BCL7A: variants seen among roughly 807,000 people sequenced by gnomAD.
The protein encoded by BCL7A is BAF chromatin remodeling complex subunit BCL7A.
BCL7A carries 11 observed loss-of-function variants against 28.4 expected under a neutral mutation model. The ratio of observed to expected loss-of-function variants is 0.39; its 90% CI spans 0.24 to 0.64. The LOEUF is 0.64. BCL7A is among the 30% of genes least tolerant of loss of function. BCL7A has a pLI of 0.50. For missense variants in BCL7A, 222 were observed against 274.8 expected, an observed-to-expected ratio of 0.81 and a Z score of 1.36; for synonymous variants, 123 against 103.3, an observed-to-expected ratio of 1.19 and a Z score of -1.15.
In BCL7A at chr12:122,029,430, G is replaced by A. The variant is rs1273365126; in HGVS notation, c.93-1270G>A. Among the ~76,000 whole-genome samples, 1 of 152,188 alleles carries A rather than the reference G, an allele frequency of 6.6e-6. No individual in the cohort carries two copies. The highest frequency in any genetic ancestry group is 6.5e-5 in the Admixed American group (1 of 15,278). On this transcript the variant is annotated intron_variant, in intron 1 of 5. Transcript: ENST00000261822. This position sits in a 1 kb window ranked among gnomAD's most constrained non-coding sequence, Gnocchi z 4.3. ...ATGTGAGGGCCACATGCCCCACGAG[G>A]GGGTGATCTAAGGCTGAGTTTGGGC...
intron 2 of BCL7A, among the ~76,000 whole-genome samples, chr12:122,033,741 G>GC (rs1430868870): frequency 2.6e-5 from 4 of 152,194 alleles, no homozygotes; most frequent in Admixed American, 6.5e-5. Context: ...ACAGGCGTGA[G>GC]CCACCATGCC....
Position 122,060,554 on chromosome 12 carries a change from T to C in BCL7A, c.*1391T>C, listed in dbSNP as rs1951912813. The C allele has an allele frequency of 4.3e-6, 1 of 232,620 alleles. No homozygotes were observed. The highest frequency in any genetic ancestry group is 8.5e-6 in the Non-Finnish European group (1 of 117,400). The allele number at this position is 232,620 out of a possible 1,614,324, so 14.4% of individuals were successfully genotyped here. A position where few individuals can be genotyped will look rare whatever the true frequency, so the allele number is the denominator to read the frequency against. ...TGAGGCCTGGTTTGCTCTTAATTAA[T>C]ATATGAACTCCTCAGACCTTAAACC... On this transcript the variant is annotated 3_prime_UTR_variant, in exon 6 of 6. Transcript: ENST00000261822.
chr12:122,051,866 C>CTTTTTTTTT (rs34244407), intron 4 of BCL7A, among the ~76,000 whole-genome samples: 7 of 80,302 alleles, frequency 8.7e-5, no homozygotes, highest in East Asian at 4.3e-4. Flanking sequence ...CTCTCTCTCT[C>CTTTTTTTTT]TTTTTTTTTT....
At position 122,059,465 on chromosome 12, in the gene BCL7A, A is replaced by G. The variant is rs1353941369; in HGVS notation, c.*302A>G. The G allele has an allele frequency of 8.9e-6, 3 of 338,738 alleles. 1 individual carries two copies. The highest frequency in any genetic ancestry group is 1.0e-4 in the South Asian group (2 of 19,318). The allele number at this position is 338,738 out of a possible 1,614,324, so 21.0% of individuals were successfully genotyped here. ...AGGATTCCATTTGTGTTGCTGCTGT[A>G]TTTTCCCCCCACTTCTCTATGTAAC... is the stretch of plus-strand genomic sequence containing the variant. On this transcript the variant is annotated 3_prime_UTR_variant, in exon 6 of 6. Transcript: ENST00000261822. This position sits in a 1 kb window ranked among gnomAD's most constrained non-coding sequence, Gnocchi z 4.0.
At chr12:122,043,829 A>G in intron 3 of BCL7A, 57 bp from the exon 4 acceptor site, 3 of 1,534,992 alleles carry the variant, frequency 2.0e-6, no homozygotes, top group South Asian at 2.5e-5. Flanking sequence ...CCTCTGACCT[A>G]CCCGTCCTTG....
At chr12:122,051,427 C>T (rs952739218) in intron 4 of BCL7A, among the ~76,000 whole-genome samples, 1 of 152,244 alleles carries the variant, frequency 6.6e-6, no homozygotes, top group Admixed American at 6.5e-5. Context: ...CAGGGAATGA[C>T]ATAATTCCTG....
intron 3 of BCL7A, among the ~76,000 whole-genome samples, chr12:122,037,213 T>C (rs1883874293): frequency 6.6e-6 from 1 of 152,148 alleles, no homozygotes; most frequent in Non-Finnish European, 1.5e-5. Context: ...CACTGCCTCT[T>C]TGTCACCTGC....
intron 4 of BCL7A, among the ~76,000 whole-genome samples, chr12:122,046,289 T>C (rs918889042): frequency 3.9e-5 from 6 of 151,930 alleles, no homozygotes; most frequent in African/African-American, 1.5e-4. Flanking sequence ...GCAGGCCAGG[T>C]CTGGAGCGCC....
In BCL7A at chr12:122,044,001, G is replaced by A. The variant is rs1312516178; in HGVS notation, c.387G>A (p.Glu129=). 10 of 1,613,892 alleles carry A rather than the reference G, an allele frequency of 6.2e-6. No individual in the cohort carries two copies. Among genetic ancestry groups the A allele is most frequent in the Non-Finnish European group, 8.5e-6 (10 of 1,180,028 alleles). Residue 129 remains glutamate (E), a synonymous_variant, in exon 4 of 6, where the codon GAG becomes GAA. Transcript: ENST00000261822. ...CGGCTGTGCCCAGCGACGGCACCGA[G>A]GCCAAGGTGGATGAGGCCCAGGCTG... is the stretch of plus-strand genomic sequence containing the variant. The part of the protein sequence containing the change: ...PNSAVPSDGT[E]AKVDEAQADG...
chr12:122,054,710 A>T, intron 4 of BCL7A, 95 bp from the exon 5 acceptor site: 1 of 1,326,116 alleles, frequency 7.5e-7, no homozygotes, highest in Non-Finnish European at 1.0e-6. Flanking sequence ...CTGGCCCCAA[A>T]ACTACCCGAT....
chr12:122,022,866 G>A (rs1883500589), intron 1 of BCL7A, among the ~76,000 whole-genome samples: 1 of 151,832 alleles, frequency 6.6e-6, no homozygotes, highest in Non-Finnish European at 1.5e-5. Flanking sequence ...AGGGGCGCGG[G>A]GCGCCCACGT....
At chr12:122,045,348 T>A (rs1298819513) in intron 4 of BCL7A, among the ~76,000 whole-genome samples, 2 of 152,124 alleles carry the variant, frequency 1.3e-5, no homozygotes, top group African/African-American at 2.4e-5. Context: ...GCCATTGCAC[T>A]CCAGTCTGGG....
chr12:122,022,742 G>C (rs2135833555), intron 1 of BCL7A, among the ~76,000 whole-genome samples: 1 of 150,250 alleles, frequency 6.7e-6, no homozygotes, highest in South Asian at 2.1e-4. Flanking sequence ...CGGCGCCCTC[G>C]AGTCTGCGGA....
Position 122,059,181 on chromosome 12 carries a change from C to T in BCL7A, c.*18C>T. On this transcript the variant is annotated 3_prime_UTR_variant, in exon 6 of 6. Coordinates refer to ENST00000261822, the MANE Select transcript of BCL7A (RefSeq NM_001024808.3). This position sits in a 1 kb window ranked among gnomAD's most constrained non-coding sequence, Gnocchi z 4.0. ...AGATGTAGACGATGCTTTAAAGCCT[C>T]CGATCCATGTTCCATGGAAGGTACA... 6.3e-7 allele frequency: 1 copy of T among 1,597,896 alleles called. No individual in the cohort carries two copies. The highest frequency in any genetic ancestry group is 2.2e-5 in the East Asian group (1 of 44,802).
At chr12:122,023,484 T>C (rs1883525115) in intron 1 of BCL7A, among the ~76,000 whole-genome samples, 2 of 152,280 alleles carry the variant, frequency 1.3e-5, no homozygotes, top group Middle Eastern at 3.4e-3. Context: ...AGCTGTCCTT[T>C]CTGAGTCAAA....
chr12:122,056,039 CA>C (rs1951876265), intron 5 of BCL7A, among the ~76,000 whole-genome samples: 1 of 152,224 alleles, frequency 6.6e-6, no homozygotes. Flanking sequence ...TTGTCTGAGA[CA>C]GACTAGGGCG....
intron 4 of BCL7A, chr12:122,044,368 T>TGTG (rs1318752515): frequency 3.4e-5 from 9 of 262,106 alleles, no homozygotes; most frequent in Admixed American, 1.6e-4. Context: ...AATAGCCAAG[T>TGTG]GTGGTGGCAC....
Position 122,022,174 on chromosome 12 carries a change from T to A in BCL7A, c.83T>A (p.Val28Glu), listed in dbSNP as rs1883477478. ...IKRVMAAIEK[V>E]RKWEKKWVTV... ...AGGGTCATGGCGGCGATCGAGAAAG[T>A]GCGCAAATGGTAAGCGGAGGCGCCC... is the stretch of plus-strand genomic sequence containing the variant. The change falls in exon 1 of 6, where the codon GTG becomes GAG. Residue 28 changes from valine to glutamate, a missense_variant. By Grantham distance (121) the Val-to-Glu change is moderately radical. Around this residue, in one of 2 missense-constraint regions of BCL7A, gnomAD observed 67 missense variants for 129.1 expected, o/e 0.52. Transcript: ENST00000261822. The A allele has an allele frequency of 6.5e-7, 1 of 1,544,076 alleles. No homozygotes were observed. Among genetic ancestry groups the A allele is most frequent in the African/African-American group, 1.4e-5 (1 of 69,554 alleles).
rs776528540 is a variant in BCL7A, at chr12:122,035,424, C to T, written c.268C>T (p.His90Tyr). The T allele has an allele frequency of 6.2e-7, 1 of 1,613,660 alleles. No homozygotes were observed. Reference sequence around the variant, plus strand: ...TTCCTCCCCAGGGATGATGGACATGCATGGTGAGTGCCCATGGCCTGCCAG... The same window carrying T: ...TTCCTCCCCAGGGATGATGGACATGTATGGTGAGTGCCCATGGCCTGCCAG... Reference protein sequence around the residue: ...NSSSPGMMDMHDDNSNQSSIA... With the variant: ...NSSSPGMMDMYDDNSNQSSIA... Residue 90 changes from histidine to tyrosine, a missense_variant, in exon 3 of 6, where the codon CAT becomes TAT. By Grantham distance (83) the His-to-Tyr change is moderately conservative. Transcript: ENST00000261822.
Sources: allele counts gnomAD v4.1 joint callset (sites outside exome capture counted in the v4.1 genomes callset), GRCh38; gene constraint gnomAD v4.1.1; regional missense constraint gnomAD v4.1.1; non-coding constraint Gnocchi (gnomAD v3.1); transcripts MANE v1.5; gene names NCBI Gene and HGNC (gene_info 2026-07-23, HGNC 2026-07-21).